MAF: variants seen among roughly 807,000 people sequenced by gnomAD.
MAF encodes the protein transcription factor Maf.
MAF carries 10 observed loss-of-function variants against 22.0 expected under a neutral mutation model. The observed-to-expected ratio is 0.45, with a 90% CI of 0.28 to 0.77. MAF has a LOEUF of 0.77. Ranked by LOEUF, MAF falls within the 30% of genes least tolerant of loss-of-function variation. The probability of loss-of-function intolerance (pLI) is 0.12; values close to 1 mark genes in which losing one functional copy is unlikely to be tolerated. For missense variants in MAF, 544 were observed against 548.4 expected (o/e 0.99, Z 0.08); for synonymous variants, 337 against 255.8 (o/e 1.32, Z -3.03).
At chr16:79,342,124 C>T in the MAF span, among the ~76,000 whole-genome samples, 5 of 152,286 alleles carry the variant, frequency 3.3e-5, no homozygotes, top group East Asian at 7.7e-4. Flanking sequence ...TATGTAACAC[C>T]GAATCTCAGA....
At chr16:79,538,162 T>C in the MAF span, among the ~76,000 whole-genome samples, 1 of 152,206 alleles carries the variant, frequency 6.6e-6, no homozygotes, top group Non-Finnish European at 1.5e-5. Context: ...CTATAGCAGA[T>C]ATTAAATTTA....
chr16:79,464,216 T>A, the MAF span, among the ~76,000 whole-genome samples: 3 of 152,288 alleles, frequency 2.0e-5, no homozygotes, highest in Non-Finnish European at 4.4e-5. Flanking sequence ...TACAGGGCTT[T>A]TGCAGACACC....
chr16:79,211,594 T>G, the MAF span: 6 of 1,614,072 alleles, frequency 3.7e-6, no homozygotes, highest in Non-Finnish European at 1.7e-6. Flanking sequence ...TTGTCTTTCT[T>G]CTTGGATTTC....
the MAF span, among the ~76,000 whole-genome samples, chr16:79,530,788 A>C: frequency 6.6e-6 from 1 of 152,242 alleles, no homozygotes; most frequent in Non-Finnish European, 1.5e-5. Context: ...AAAATCAGTC[A>C]TAGATATCTC....
chr16:79,216,698 C>G, the MAF span, among the ~76,000 whole-genome samples: 1 of 152,056 alleles, frequency 6.6e-6, no homozygotes, highest in African/African-American at 2.4e-5. Flanking sequence ...ATATTTTCAA[C>G]TTACTATGGG....
the MAF span, among the ~76,000 whole-genome samples, chr16:79,368,386 G>A: frequency 6.6e-6 from 1 of 152,084 alleles, no homozygotes; most frequent in Non-Finnish European, 1.5e-5. Flanking sequence ...AAAGATCTGA[G>A]GCCTTTTCTA....
chr16:79,527,160 C>G, the MAF span, among the ~76,000 whole-genome samples: 1 of 152,086 alleles, frequency 6.6e-6, no homozygotes, highest in South Asian at 2.1e-4. Flanking sequence ...CAGGGACAGA[C>G]CACATTTTTG....
chr16:79,240,811 G>T, the MAF span, among the ~76,000 whole-genome samples: 1 of 151,988 alleles, frequency 6.6e-6, no homozygotes, highest in Non-Finnish European at 1.5e-5. Flanking sequence ...CTGGCATCTG[G>T]CAGGTGCCCC....
chr16:79,595,476 A>G, intron 1 of MAF: 3 of 1,059,038 alleles, frequency 2.8e-6, no homozygotes, highest in Middle Eastern at 4.3e-4. Flanking sequence ...TGTATTTTCA[A>G]AACAGTGCTG....
the MAF span, among the ~76,000 whole-genome samples, chr16:79,554,066 G>A: frequency 1.1e-4 from 16 of 152,160 alleles, no homozygotes; most frequent in Admixed American, 2.6e-4. Flanking sequence ...TCCATGCTGG[G>A]TGACAGAGTA....
At chr16:79,295,291 A>C in the MAF span, among the ~76,000 whole-genome samples, 1 of 152,180 alleles carries the variant, frequency 6.6e-6, no homozygotes, top group Admixed American at 6.5e-5. Flanking sequence ...TTAATGGAGC[A>C]ATGAATGATT....
At chr16:79,320,635 T>G in the MAF span, among the ~76,000 whole-genome samples, 10 of 152,330 alleles carry the variant, frequency 6.6e-5, no homozygotes, top group African/African-American at 1.9e-4. Flanking sequence ...TGGTGTGGCT[T>G]TGGGCAAATG....
the MAF span, among the ~76,000 whole-genome samples, chr16:79,317,086 C>T: frequency 1.3e-5 from 2 of 151,966 alleles, no homozygotes; most frequent in Non-Finnish European, 2.9e-5. Flanking sequence ...TGTTTCTCTC[C>T]CTCCTTCCTC....
the MAF span, among the ~76,000 whole-genome samples, chr16:79,347,424 A>G: frequency 2.0e-5 from 3 of 152,220 alleles, no homozygotes; most frequent in Admixed American, 6.5e-5. Flanking sequence ...TAGAGTTGAC[A>G]AGGAGCATCG....
At chr16:79,263,887 T>C in the MAF span, among the ~76,000 whole-genome samples, 1 of 152,178 alleles carries the variant, frequency 6.6e-6, no homozygotes, top group African/African-American at 2.4e-5. Flanking sequence ...CCACCATTTC[T>C]AGGTGGTCCC....
the MAF span, among the ~76,000 whole-genome samples, chr16:79,549,166 T>C: frequency 6.6e-6 from 1 of 152,312 alleles, no homozygotes; most frequent in South Asian, 2.1e-4. Context: ...CAAAGGATGA[T>C]GGTGACGAGC....
the MAF span, among the ~76,000 whole-genome samples, chr16:79,296,886 T>A: frequency 6.6e-6 from 1 of 152,228 alleles, no homozygotes; most frequent in Non-Finnish European, 1.5e-5. Flanking sequence ...GTTCATTTGC[T>A]CTCAATGCCC....
the MAF span, among the ~76,000 whole-genome samples, chr16:79,561,278 T>C: frequency 6.6e-6 from 1 of 152,110 alleles, no homozygotes; most frequent in Non-Finnish European, 1.5e-5. Flanking sequence ...TATTAAGTGA[T>C]AAAATTTCCC....
chr16:79,211,032 G>GAGTGTGTGTGTGTGT, the MAF span, among the ~76,000 whole-genome samples: 1 of 30,442 alleles, frequency 3.3e-5, no homozygotes, highest in Non-Finnish European at 7.0e-5. Flanking sequence ...TGTATGGTGA[G>GAGTGTGTGTGTGTGT]GAGTGTGTGT....
Sources: allele counts gnomAD v4.1 joint callset (sites outside exome capture counted in the v4.1 genomes callset), GRCh38; gene constraint gnomAD v4.1.1; transcripts MANE v1.5; gene names NCBI Gene and HGNC (gene_info 2026-07-23, HGNC 2026-07-21).